The following XKR4 variants were observed in gnomAD, a reference collection of about 807,000 sequenced individuals.
XKR4 encodes the protein XK-related protein 4.
XKR4 carries 12 observed loss-of-function variants against 53.9 expected under a neutral mutation model. That is an observed-to-expected ratio of 0.22 (90% CI 0.14 to 0.36). The LOEUF (loss-of-function observed/expected upper bound fraction) is 0.36, where lower values mean the gene tolerates loss of function less well. Ranked by LOEUF, XKR4 falls within the 10% of genes least tolerant of loss-of-function variation. The probability of loss-of-function intolerance (pLI) is 1.00; values close to 1 mark genes in which losing one functional copy is unlikely to be tolerated. For synonymous variants in XKR4, 354 were observed against 362.4 expected (o/e 0.98, Z 0.26); for missense variants, 799 against 859.5 (o/e 0.93, Z 0.88).
intron 2 of XKR4, among the ~76,000 whole-genome samples, chr8:55,391,787 A>T (rs1475508839): frequency 6.6e-6 from 1 of 152,228 alleles, no homozygotes; most frequent in Non-Finnish European, 1.5e-5. Flanking sequence ...AGGCCAAGTT[A>T]ATGACATAAC....
At chr8:55,372,818 T>C (rs1804086557) in intron 2 of XKR4, among the ~76,000 whole-genome samples, 1 of 152,216 alleles carries the variant, frequency 6.6e-6, no homozygotes, top group Non-Finnish European at 1.5e-5. Flanking sequence ...CACTTCCTAC[T>C]GAGGGATTTT....
At chr8:55,139,308 G>T (rs1309825192) in intron 1 of XKR4, among the ~76,000 whole-genome samples, 3 of 152,124 alleles carry the variant, frequency 2.0e-5, no homozygotes, top group African/African-American at 7.2e-5. Flanking sequence ...GGCCAGGGCA[G>T]GTGGATCATG....
chr8:55,479,667 A>G (rs950785349), intron 2 of XKR4, among the ~76,000 whole-genome samples: 2 of 152,156 alleles, frequency 1.3e-5, no homozygotes, highest in Non-Finnish European at 2.9e-5. Flanking sequence ...ACTAATAAAG[A>G]AGAAAAGAGA....
chr8:55,183,802 C>T (rs755886564), intron 1 of XKR4, among the ~76,000 whole-genome samples: 4 of 152,182 alleles, frequency 2.6e-5, no homozygotes, highest in Admixed American at 6.5e-5. Context: ...TCTCTGCCTA[C>T]TTACTGTATT....
At chr8:55,426,754 G>T (rs1232686209) in intron 2 of XKR4, among the ~76,000 whole-genome samples, 4 of 152,162 alleles carry the variant, frequency 2.6e-5, no homozygotes, top group Non-Finnish European at 5.9e-5. Flanking sequence ...GAAATTAGAT[G>T]ATATTTTTGC....
intron 1 of XKR4, among the ~76,000 whole-genome samples, chr8:55,342,387 C>T (rs1803566559): frequency 6.6e-6 from 1 of 152,204 alleles, no homozygotes; most frequent in Non-Finnish European, 1.5e-5. Context: ...CGCTCCCCTT[C>T]ATGCCATTCT....
intron 2 of XKR4, among the ~76,000 whole-genome samples, chr8:55,404,152 A>G (rs190276942): frequency 1.3e-5 from 2 of 152,316 alleles, no homozygotes; most frequent in Admixed American, 1.3e-4. Context: ...AAATACGAAC[A>G]CTGTTTCTCT....
intron 1 of XKR4, among the ~76,000 whole-genome samples, chr8:55,120,446 G>A (rs1341657280): frequency 1.3e-5 from 2 of 151,980 alleles, no homozygotes; most frequent in Non-Finnish European, 2.9e-5. Flanking sequence ...AAATTATTAG[G>A]ATGTGGTGAA....
intron 1 of XKR4, among the ~76,000 whole-genome samples, chr8:55,276,243 G>T (rs982901994): frequency 2.6e-5 from 4 of 152,148 alleles, no homozygotes; most frequent in African/African-American, 9.7e-5. Flanking sequence ...TAAAGACATT[G>T]GTTTGGGGAT....
chr8:55,347,513 C>T (rs188318427), intron 1 of XKR4, among the ~76,000 whole-genome samples: 2 of 152,130 alleles, frequency 1.3e-5, no homozygotes, highest in African/African-American at 4.8e-5. Context: ...TCTTGGTGAC[C>T]TTTGTGATGT....
intron 2 of XKR4, among the ~76,000 whole-genome samples, chr8:55,409,238 A>G (rs1322030160): frequency 6.6e-6 from 1 of 152,014 alleles, no homozygotes; most frequent in East Asian, 1.9e-4. Context: ...GCAAGCAGGC[A>G]CCTGCCTGCC....
At position 55,541,407 on chromosome 8, in the gene XKR4, T is replaced by C. The variant is rs1437075683; in HGVS notation, c.*17180T>C. 2 of 151,614 alleles carry C rather than the reference T, an allele frequency of 1.3e-5. No homozygotes were observed. The highest frequency in any genetic ancestry group is 2.1e-4 in the South Asian group (1 of 4,748). 9.4% of individuals were successfully genotyped at this position (151,614 alleles called of 1,614,324 possible). A position where few individuals can be genotyped will look rare whatever the true frequency, so the allele number is the denominator to read the frequency against. ...CCTGTTCAATTTTTTTGTTTTGTTT[T>C]AAATCTATCTCTGAAAAAAAAATGG... On this transcript the variant is annotated 3_prime_UTR_variant, in exon 3 of 3. Coordinates refer to ENST00000327381, the MANE Select transcript of XKR4 (RefSeq NM_052898.2).
intron 1 of XKR4, among the ~76,000 whole-genome samples, chr8:55,149,193 G>C (rs1323818770): frequency 1.3e-5 from 2 of 152,206 alleles, no homozygotes; most frequent in Non-Finnish European, 2.9e-5. Flanking sequence ...AGAGTCTATG[G>C]CTTCTTTATA....
rs1394227805 is a variant in XKR4, at chr8:55,526,710, A to G, written c.*2483A>G. On this transcript the variant is annotated 3_prime_UTR_variant, in exon 3 of 3. Transcript: ENST00000327381. Reference sequence around the variant, plus strand: ...AGATTACAGTCTAATAGAGTCAATCAATCAACACAAACCCAACAGGCCCCA... The same window carrying G: ...AGATTACAGTCTAATAGAGTCAATCGATCAACACAAACCCAACAGGCCCCA... 2.0e-5 allele frequency: 3 copies of G among 152,224 alleles called. No individual in the cohort carries two copies. The highest frequency in any genetic ancestry group is 7.2e-5 in the African/African-American group (3 of 41,454). 9.4% of individuals were successfully genotyped at this position (152,224 alleles called of 1,614,324 possible). A position where few individuals can be genotyped will look rare whatever the true frequency, so the allele number is the denominator to read the frequency against.
intron 1 of XKR4, among the ~76,000 whole-genome samples, chr8:55,298,598 G>A (rs1819134851): frequency 6.6e-6 from 1 of 152,050 alleles, no homozygotes; most frequent in South Asian, 2.1e-4. Flanking sequence ...CATTAATGTG[G>A]GATCGGCCCC....
intron 1 of XKR4, among the ~76,000 whole-genome samples, chr8:55,205,783 C>T (rs1817638860): frequency 6.6e-6 from 1 of 152,224 alleles, no homozygotes; most frequent in Non-Finnish European, 1.5e-5. Flanking sequence ...TATGGTCTTA[C>T]TGTGTCCGGA....
intron 2 of XKR4, among the ~76,000 whole-genome samples, chr8:55,471,681 C>A (rs2129400166): frequency 6.6e-6 from 1 of 152,256 alleles, no homozygotes; most frequent in East Asian, 1.9e-4. Flanking sequence ...GAGGTGGGGC[C>A]TGGTGGGAGG....
chr8:55,160,372 G>A (rs997133843), intron 1 of XKR4, among the ~76,000 whole-genome samples: 11 of 152,286 alleles, frequency 7.2e-5, no homozygotes, highest in African/African-American at 2.6e-4. Flanking sequence ...CAGTGAGGAG[G>A]GAGTAGGATC....
At chr8:55,512,414 C>T (rs570137407) in intron 2 of XKR4, among the ~76,000 whole-genome samples, 1 of 152,324 alleles carries the variant, frequency 6.6e-6, no homozygotes, top group Non-Finnish European at 1.5e-5. Flanking sequence ...TCAGCCCTGC[C>T]TCAGACACAC....
Sources: gnomAD v4.1 joint callset for allele counts (sites outside exome capture counted in the v4.1 genomes callset) on GRCh38, gnomAD v4.1.1 for gene constraint, MANE v1.5 for transcripts, NCBI Gene and HGNC (gene_info 2026-07-23, HGNC 2026-07-21) for gene names.